MTMR8: variants seen among roughly 807,000 people sequenced by gnomAD.
MTMR8 encodes phosphatidylinositol-3,5-bisphosphate 3-phosphatase MTMR8.
Under a neutral mutation model 39.3 loss-of-function variants are expected in MTMR8, and 65 were observed. That is an observed-to-expected ratio of 1.65 (90% CI 1.35 to 2.03). The LOEUF is 2.03. MTMR8 is among the 30% of genes most tolerant of loss of function. MTMR8 has a pLI of 0.00. For synonymous variants in MTMR8, 245 were observed against 185.2 expected, an observed-to-expected ratio of 1.32 and a Z score of -2.62; for missense variants, 777 against 538.9, an observed-to-expected ratio of 1.44 and a Z score of -4.37.
chrX:64,301,703 C>T (rs769461187), intron 12 of MTMR8, among the ~76,000 whole-genome samples: 185 of 111,076 alleles, frequency 1.7e-3, no homozygotes, highest in East Asian at 0.012. Context: ...CCCATCTTTG[C>T]GGTTTTATCT....
intron 8 of MTMR8, among the ~76,000 whole-genome samples, chrX:64,342,726 G>T (rs1264593100): frequency 8.9e-6 from 1 of 111,810 alleles, no homozygotes; most frequent in Non-Finnish European, 1.9e-5. Context: ...GATATTTAAG[G>T]CAGTTCATTA....
At chrX:64,393,265 T>C (rs1924738662) in intron 1 of MTMR8, among the ~76,000 whole-genome samples, 1 of 111,914 alleles carries the variant, frequency 8.9e-6, no homozygotes, top group African/African-American at 3.3e-5. Context: ...TATCTCCTAA[T>C]AGGTTATTGT....
intron 1 of MTMR8, among the ~76,000 whole-genome samples, chrX:64,386,083 G>A (rs1307956498): frequency 9.1e-6 from 1 of 110,366 alleles, no homozygotes; most frequent in Non-Finnish European, 1.9e-5. Flanking sequence ...AGTCTTCTCT[G>A]CTTTCACCCT....
intron 1 of MTMR8, among the ~76,000 whole-genome samples, chrX:64,364,968 C>A (rs1923905821): frequency 9.0e-6 from 1 of 111,405 alleles, no homozygotes; most frequent in African/African-American, 3.3e-5. Context: ...GATGCATGCA[C>A]AAGCTTCAAT....
intron 13 of MTMR8, among the ~76,000 whole-genome samples, chrX:64,269,345 C>G (rs1359094101): frequency 8.9e-6 from 1 of 111,825 alleles, no homozygotes; most frequent in Non-Finnish European, 1.9e-5. Flanking sequence ...TTGAATACCT[C>G]TATGTGCTAG....
At chrX:64,303,899 C>A (rs1244996075) in intron 12 of MTMR8, among the ~76,000 whole-genome samples, 1 of 112,247 alleles carries the variant, frequency 8.9e-6, no homozygotes, top group Non-Finnish European at 1.9e-5. Flanking sequence ...ATGCAAAGAT[C>A]TTTATGTTCT....
intron 1 of MTMR8, among the ~76,000 whole-genome samples, chrX:64,394,064 C>T (rs1390598363): frequency 8.9e-6 from 1 of 111,834 alleles, no homozygotes; most frequent in African/African-American, 3.3e-5. Flanking sequence ...GGAGACCTCA[C>T]AATTATGGAG....
At chrX:64,384,498 C>T (rs1371972775) in intron 1 of MTMR8, among the ~76,000 whole-genome samples, 2 of 112,186 alleles carry the variant, frequency 1.8e-5, no homozygotes, top group Non-Finnish European at 3.8e-5. Context: ...TAGCAGGCTT[C>T]TGCCTGGGTA....
In MTMR8 at chrX:64,349,977, C is replaced by A. The variant is rs778212900; in HGVS notation, c.562G>T (p.Val188Phe). ...TTGTAGAGGTAGGAGAGCACAGGGA[C>A]ACGTTCTTTACTTCTGAACTTTGAA... ...GSSKFRSKERVPVLSYLYKEN... is the reference protein window; with the variant it reads ...GSSKFRSKERFPVLSYLYKEN... The change falls in exon 5 of 14, where the codon GTC (valine) becomes TTC (phenylalanine). Residue 188 changes from valine to phenylalanine, a missense_variant. Coordinates refer to ENST00000374852, the MANE Select transcript of MTMR8 (RefSeq NM_017677.4). 1.3e-5 allele frequency: 16 copies of A among 1,194,575 alleles called. No homozygotes were observed. The East Asian group carries it at 4.8e-4, about 36-fold the overall frequency.
intron 12 of MTMR8, among the ~76,000 whole-genome samples, chrX:64,328,376 C>T (rs1160394734): frequency 9.0e-6 from 1 of 111,532 alleles, no homozygotes; most frequent in Non-Finnish European, 1.9e-5. Context: ...TTGTGAGTGC[C>T]TCAGCCTGCA....
intron 5 of MTMR8, among the ~76,000 whole-genome samples, chrX:64,349,168 A>G (rs1923420433): frequency 1.8e-5 from 2 of 111,953 alleles, no homozygotes; most frequent in African/African-American, 3.2e-5. Context: ...AGGCAGCAGA[A>G]TTCAAGATAG....
At chrX:64,296,551 T>C (rs970723486) in intron 12 of MTMR8, among the ~76,000 whole-genome samples, 1 of 106,944 alleles carries the variant, frequency 9.4e-6, no homozygotes, top group South Asian at 4.2e-4. Context: ...ACAGATAGCC[T>C]CTGTATATGG....
At chrX:64,365,920 C>A (rs1013840018) in intron 1 of MTMR8, among the ~76,000 whole-genome samples, 3 of 110,683 alleles carry the variant, frequency 2.7e-5, no homozygotes, top group Non-Finnish European at 5.7e-5. Flanking sequence ...GGAAGATCTA[C>A]CAAGAAAATG....
chrX:64,359,279 G>T (rs1053809872), intron 2 of MTMR8, 126 bp downstream of exon 2: 16 of 619,123 alleles, frequency 2.6e-5, no homozygotes, highest in Non-Finnish European at 3.6e-5. Context: ...TATTAGAATA[G>T]GTCCTCTGAA....
chrX:64,304,993 T>C (rs1332458091), intron 12 of MTMR8: 1 of 105,418 alleles, frequency 9.5e-6, no homozygotes, highest in African/African-American at 6.4e-5. Context: ...TATACATATA[T>C]ACGTATGTAT....
chrX:64,361,817 C>A (rs1373321391), intron 1 of MTMR8, among the ~76,000 whole-genome samples: 3 of 110,398 alleles, frequency 2.7e-5, no homozygotes, highest in Admixed American at 9.7e-5. Flanking sequence ...AATATCCTGG[C>A]TAAATACTAT....
intron 12 of MTMR8, among the ~76,000 whole-genome samples, chrX:64,284,284 A>C (rs1420250645): frequency 8.9e-6 from 1 of 112,034 alleles, no homozygotes; most frequent in African/African-American, 3.2e-5. Flanking sequence ...AAAAAGAATA[A>C]AAAGAAACGA....
At chrX:64,392,630 G>A (rs1409520611) in intron 1 of MTMR8, among the ~76,000 whole-genome samples, 10 of 110,449 alleles carry the variant, frequency 9.1e-5, no homozygotes, top group African/African-American at 2.6e-4. Context: ...AATCTCAGTA[G>A]CGGTTGCACA....
chrX:64,341,858 T>TTATGTTATA (rs1923228273), intron 8 of MTMR8, among the ~76,000 whole-genome samples: 1 of 112,345 alleles, frequency 8.9e-6, no homozygotes, highest in African/African-American at 3.2e-5. Context: ...TGTTTACATT[T>TTATGTTATA]TATGTTATAT....
Sources: gnomAD v4.1 joint callset for allele counts (sites outside exome capture counted in the v4.1 genomes callset) on GRCh38, gnomAD v4.1.1 for gene constraint, MANE v1.5 for transcripts, NCBI Gene and HGNC (gene_info 2026-07-23, HGNC 2026-07-21) for gene names.